Variants in CEMIP2 observed in about 807,000 individuals in gnomAD.
CEMIP2 encodes cell surface hyaluronidase CEMIP2.
A neutral mutation model predicts 146.9 loss-of-function variants in CEMIP2; 79 were observed. That is an observed-to-expected ratio of 0.54 (90% CI 0.45 to 0.65). The LOEUF (loss-of-function observed/expected upper bound fraction) is 0.65, where lower values mean the gene tolerates loss of function less well. CEMIP2 is among the 30% of genes least tolerant of loss of function. The pLI, the probability that CEMIP2 is intolerant of heterozygous loss-of-function variation, is 0.00. For missense variants in CEMIP2, 1,596 were observed against 1,696.2 expected (o/e 0.94, Z 1.04); for synonymous variants, 601 against 606.3 (o/e 0.99, Z 0.13).
intron 1 of CEMIP2, among the ~76,000 whole-genome samples, chr9:71,766,310 T>G (rs1329066712): frequency 6.6e-6 from 1 of 152,078 alleles, no homozygotes; most frequent in African/African-American, 2.4e-5. Context: ...CGACCTCAGG[T>G]GATCCACCTG....
At chr9:71,722,567 A>G (rs41287387) in intron 11 of CEMIP2, 52 bp from the exon 12 acceptor site, 22,955 of 1,361,316 alleles carry the variant, frequency 0.017, 255 homozygotes, top group Non-Finnish European at 0.021. Flanking sequence ...AACTTACAAC[A>G]ACATATACAA....
intron 14 of CEMIP2, 91 bp from the exon 15 acceptor site, chr9:71,715,180 A>C: frequency 7.0e-7 from 1 of 1,429,602 alleles, no homozygotes. Context: ...AAAAGCTAAA[A>C]GTTTTAAAAG....
intron 16 of CEMIP2, among the ~76,000 whole-genome samples, chr9:71,710,012 A>G (rs888947864): frequency 1.3e-5 from 2 of 152,222 alleles, no homozygotes; most frequent in Non-Finnish European, 2.9e-5. Flanking sequence ...AAAAAAATAA[A>G]CAGATAAGTA....
At chr9:71,728,252 T>C (rs1823467130) in intron 10 of CEMIP2, among the ~76,000 whole-genome samples, 1 of 31,904 alleles carries the variant, frequency 3.1e-5, no homozygotes, top group South Asian at 1.6e-3. Flanking sequence ...TATATATATG[T>C]ATATACACGT....
At chr9:71,744,473 C>T (rs1310771919) in intron 4 of CEMIP2, among the ~76,000 whole-genome samples, 2 of 152,172 alleles carry the variant, frequency 1.3e-5, no homozygotes, top group Non-Finnish European at 2.9e-5. Flanking sequence ...CTTTTTCCTT[C>T]CTCATATATG....
In CEMIP2 at chr9:71,743,148, C is replaced by G. The variant is rs570537205; in HGVS notation, c.1034+1870G>C. Reference sequence around the variant, plus strand: ...AATAACATAACACTGTGCAAAGAAGCCGGACACAAAATATAACATTGTCGG... The same window carrying G: ...AATAACATAACACTGTGCAAAGAAGGCGGACACAAAATATAACATTGTCGG... On this transcript the variant is annotated intron_variant, in intron 4 of 23. Transcript: ENST00000377044. Among the ~76,000 whole-genome samples the G allele has an allele frequency of 2.4e-4, 36 of 151,380 alleles. 1 individual carries two copies. The Middle Eastern group carries it at 0.014, about 57-fold the overall frequency.
At position 71,734,870 on chromosome 9, in the gene CEMIP2, G is replaced by T. The variant is rs745518018; in HGVS notation, c.1329C>A (p.Tyr443Ter). Reference protein sequence around the residue: ...IVVASTDYSMYQAEEFTLLPC... With the variant: ...IVVASTDYSM ...GAAGAAGAGTGAACTCCTCTGCTTGGTACATGGAATAGTCTGTGCTTGCGA... is the reference window on the plus strand; with the variant it reads ...GAAGAAGAGTGAACTCCTCTGCTTGTTACATGGAATAGTCTGTGCTTGCGA... The change falls in exon 6 of 24, where the codon TAC (tyrosine) becomes TAA (stop). Residue 443 changes from tyrosine to a stop codon, truncating the protein, a stop_gained. Transcript: ENST00000377044. LOFTEE classifies it high-confidence loss of function. 4.3e-6 allele frequency: 7 copies of T among 1,613,840 alleles called. No homozygotes were observed. Among genetic ancestry groups the T allele is most frequent in the African/African-American group, 1.3e-5 (1 of 74,874 alleles).
chr9:71,692,919 A>AAAGACAACAAC (rs1563993606), intron 21 of CEMIP2, among the ~76,000 whole-genome samples: 1 of 47,168 alleles, frequency 2.1e-5, no homozygotes, highest in Non-Finnish European at 3.4e-5. Flanking sequence ...ACAAACAAAC[A>AAAGACAACAAC]AACGACAACA....
At chr9:71,728,553 A>G (rs981074103) in intron 10 of CEMIP2, among the ~76,000 whole-genome samples, 2 of 151,438 alleles carry the variant, frequency 1.3e-5, no homozygotes, top group Non-Finnish European at 2.9e-5. Flanking sequence ...TCAATAATAA[A>G]TACAAATTTC....
chr9:71,745,664 A>G lies in CEMIP2; in HGVS notation c.473-85T>C, dbSNP rs998181546. The G allele has an allele frequency of 6.7e-6, 9 of 1,343,628 alleles. No homozygotes were observed. The Admixed American group carries it at 1.2e-4, about 18-fold the overall frequency. The allele number at this position is 1,343,628 out of a possible 1,614,324, so 83.2% of individuals were successfully genotyped here. A position where few individuals can be genotyped will look rare whatever the true frequency, so the allele number is the denominator to read the frequency against. ...ATAGATTTCACCTTAAGTTAAATAC[A>G]CTTCCGCAATTAGGTCGGAAAAAAG... On this transcript the variant is annotated intron_variant, in intron 3 of 23. Transcript: ENST00000377044.
intron 13 of CEMIP2, 81 bp from the exon 14 acceptor site, chr9:71,716,633 C>A: frequency 8.1e-7 from 1 of 1,241,258 alleles, no homozygotes; most frequent in South Asian, 1.4e-5. Context: ...ATTTAATTAT[C>A]ATGAAATCCA....
intron 20 of CEMIP2, among the ~76,000 whole-genome samples, chr9:71,697,368 T>C (rs1200490023): frequency 6.6e-6 from 1 of 152,232 alleles, no homozygotes; most frequent in African/African-American, 2.4e-5. Context: ...TTCACTTTCA[T>C]TGCAGTGCTT....
Position 71,698,142 on chromosome 9 carries a change from T to A in CEMIP2, c.3440A>T (p.Gln1147Leu). 6.2e-7 allele frequency: 1 copy of A among 1,614,124 alleles called. No homozygotes were observed. The highest frequency in any genetic ancestry group is 8.5e-7 in the Non-Finnish European group (1 of 1,180,012). Residue 1147 changes from glutamine (Q) to leucine (L), a missense_variant, in exon 20 of 24, where the codon CAG becomes CTG. By Grantham distance (113) the Gln-to-Leu change is moderately radical. Transcript: ENST00000377044. ...TTGGATCTTGACTCTTTCACATCCC[T>A]GAGATGAACAGTAACTGTGGCCATG... ...HRHGHSYCSS[Q>L]GCERVKIQAA...
At chr9:71,732,680 CG>C (rs898862626) in intron 6 of CEMIP2, among the ~76,000 whole-genome samples, 160 bp from the exon 7 acceptor site, 2 of 139,462 alleles carry the variant, frequency 1.4e-5, no homozygotes, top group African/African-American at 5.7e-5. Context: ...TCCCAGGACA[CG>C]GGGAATTTTT....
At position 71,715,011 on chromosome 9, in the gene CEMIP2, G is replaced by A. The variant is rs762255373; in HGVS notation, c.2514C>T (p.Tyr838=). 81 of 1,613,756 alleles carry A rather than the reference G, an allele frequency of 5.0e-5. No individual in the cohort carries two copies. Among genetic ancestry groups the A allele is most frequent in the South Asian group, 2.0e-4 (18 of 91,070 alleles). ...ACTTGTTCTGACCACCCTGAAAGCC[G>A]TAATTCCTGCTCTCCCCAACAAAGA... ...ESLFVGESRN[Y]GFQGGQNKYV... Residue 838 remains tyrosine, a synonymous_variant, in exon 15 of 24, where the codon TAC becomes TAT. Transcript: ENST00000377044.
chr9:71,689,147 T>C (rs1394331933), intron 22 of CEMIP2, among the ~76,000 whole-genome samples: 5 of 152,170 alleles, frequency 3.3e-5, no homozygotes, highest in African/African-American at 7.2e-5. Context: ...CTTTAAATCC[T>C]GCAAGAAAAT....
chr9:71,765,820 G>C (rs934235159), intron 1 of CEMIP2, among the ~76,000 whole-genome samples: 1 of 152,090 alleles, frequency 6.6e-6, no homozygotes, highest in Non-Finnish European at 1.5e-5. Context: ...GGCCTCCCGG[G>C]TTGCAACCAC....
rs751260196 is a variant in CEMIP2, at chr9:71,730,767, C to T, written c.1711G>A (p.Gly571Ser). The change falls in exon 8 of 24, where the codon GGC becomes AGC. Residue 571 changes from glycine (G) to serine (S), a missense_variant. By Grantham distance (56) the Gly-to-Ser change is moderately conservative. Coordinates refer to ENST00000377044, the MANE Select transcript of CEMIP2 (RefSeq NM_013390.3). ...GGYRHATFVD[G>S]LSIHHSFSRC... ...GAGAAGCTGTGATGAATAGACAGGC[C>T]GTCCACAAATGTTGCATGTCTGTAT... 1.2e-5 allele frequency: 19 copies of T among 1,614,158 alleles called. No homozygotes were observed. In the South Asian group the frequency reaches 1.9e-4, roughly 16 times the overall value.
At chr9:71,726,451 G>A (rs1823388883) in intron 10 of CEMIP2, among the ~76,000 whole-genome samples, 1 of 151,666 alleles carries the variant, frequency 6.6e-6, no homozygotes, top group African/African-American at 2.4e-5. Context: ...TAAATAGTTT[G>A]TTAAAACTTA....
Sources: allele counts gnomAD v4.1 joint callset (sites outside exome capture counted in the v4.1 genomes callset), GRCh38; gene constraint gnomAD v4.1.1; transcripts MANE v1.5; gene names NCBI Gene and HGNC (gene_info 2026-07-23, HGNC 2026-07-21).